The following TMEM116 variants were observed in gnomAD, a reference collection of about 807,000 sequenced individuals.
TMEM116 encodes transmembrane protein 116.
A neutral mutation model predicts 44.3 loss-of-function variants in TMEM116; 38 were observed. The observed-to-expected ratio is 0.86, with a 90% CI of 0.66 to 1.12. TMEM116 has a LOEUF of 1.12. Among genes scored for constraint, TMEM116 ranks in the 50% most tolerant of loss-of-function variants. The probability of loss-of-function intolerance (pLI) is 0.00; values close to 1 mark genes in which losing one functional copy is unlikely to be tolerated. For missense variants in TMEM116, 354 were observed against 401.7 expected (o/e 0.88, Z 1.01); for synonymous variants, 132 against 144.8 (o/e 0.91, Z 0.64).
chr12:111,934,186 T>A (rs953170671), intron 8 of TMEM116, 156 bp from the exon 9 acceptor site: 10 of 882,884 alleles, frequency 1.1e-5, no homozygotes, highest in Admixed American at 3.1e-5. Flanking sequence ...GGCTTTTTTT[T>A]AAGAGAAAAT....
intron 3 of TMEM116, among the ~76,000 whole-genome samples, chr12:111,996,245 TG>T (rs2076926784): frequency 2.0e-5 from 3 of 152,014 alleles, no homozygotes; most frequent in Admixed American, 6.6e-5. Flanking sequence ...ATTGAGTCTG[TG>T]TCAAGACACC....
chr12:111,936,180 C>A (rs1207729928), intron 8 of TMEM116: 2 of 152,180 alleles, frequency 1.3e-5, no homozygotes. Context: ...TATCCCCTGG[C>A]TAATTATTCT....
At chr12:111,965,390 T>G (rs1389429848) in intron 4 of TMEM116, among the ~76,000 whole-genome samples, 1 of 152,160 alleles carries the variant, frequency 6.6e-6, no homozygotes, top group Non-Finnish European at 1.5e-5. Flanking sequence ...AAATCATCCA[T>G]TTATAAGGAG....
chr12:111,968,188 A>T (rs2075091761), intron 4 of TMEM116, among the ~76,000 whole-genome samples: 1 of 152,222 alleles, frequency 6.6e-6, no homozygotes, highest in Admixed American at 6.5e-5. Context: ...GAACCATTGA[A>T]AAGATTAGAT....
intron 4 of TMEM116, among the ~76,000 whole-genome samples, chr12:111,967,124 G>A (rs2075029979): frequency 6.6e-6 from 1 of 152,114 alleles, no homozygotes; most frequent in Admixed American, 6.6e-5. Context: ...CAAAACATGT[G>A]TGCAGACATC....
intron 4 of TMEM116, among the ~76,000 whole-genome samples, chr12:111,948,405 A>G (rs2073446804): frequency 6.6e-6 from 1 of 152,218 alleles, no homozygotes. Context: ...AAAGGGGCAG[A>G]GACAGGAATA....
intron 1 of TMEM116, among the ~76,000 whole-genome samples, chr12:112,007,418 C>CAAAT (rs1044627713): frequency 6.6e-6 from 1 of 151,904 alleles, no homozygotes; most frequent in Non-Finnish European, 1.5e-5. Flanking sequence ...CATCTCAAAA[C>CAAAT]AAATAAATAA....
chr12:111,980,457 G>A (rs1403552230), intron 4 of TMEM116, among the ~76,000 whole-genome samples: 2 of 152,028 alleles, frequency 1.3e-5, no homozygotes, highest in East Asian at 1.9e-4. Context: ...TTTTAGGACC[G>A]TGAAACTATT....
chr12:111,933,810 T>C lies in TMEM116; in HGVS notation c.733+76A>G, dbSNP rs2071875888. 1.6e-5 allele frequency: 26 copies of C among 1,576,002 alleles called. No individual in the cohort carries two copies. In the South Asian group the frequency reaches 2.9e-4, roughly 18 times the overall value. On this transcript the variant is annotated intron_variant, in intron 9 of 10. Transcript: ENST00000552374. ...TGTGCCCGACCTCAGCCATCCTTCT[T>C]AGTGAGACCACTTTGCTTGATCAGA...
At chr12:111,971,077 A>G (rs2075305970) in intron 4 of TMEM116, among the ~76,000 whole-genome samples, 1 of 152,220 alleles carries the variant, frequency 6.6e-6, no homozygotes, top group Non-Finnish European at 1.5e-5. Context: ...CCTAGCAAAT[A>G]TACTTTCAAA....
chr12:111,959,600 C>T (rs1409724850), intron 4 of TMEM116, among the ~76,000 whole-genome samples: 1 of 152,040 alleles, frequency 6.6e-6, no homozygotes. Context: ...TTCAGGAGAC[C>T]CATCTCACGT....
chr12:111,991,994 T>A, intron 3 of TMEM116, 105 bp from the exon 4 acceptor site: 2 of 1,229,974 alleles, frequency 1.6e-6, no homozygotes, highest in Non-Finnish European at 2.2e-6. Flanking sequence ...ACTGACATCA[T>A]TTTTCTGGGG....
chr12:111,941,626 A>G (rs1327573437), intron 5 of TMEM116, among the ~76,000 whole-genome samples: 1 of 152,208 alleles, frequency 6.6e-6, no homozygotes, highest in Non-Finnish European at 1.5e-5. Context: ...TTATTATTGA[A>G]AAAAGTTGAA....
intron 4 of TMEM116, among the ~76,000 whole-genome samples, chr12:111,959,690 G>A (rs761364003): frequency 2.0e-5 from 3 of 152,058 alleles, no homozygotes; most frequent in Non-Finnish European, 4.4e-5. Flanking sequence ...AAATAAAGCA[G>A]GGGTTGCAAT....
At chr12:111,946,162 A>G (rs2073255599) in intron 4 of TMEM116, among the ~76,000 whole-genome samples, 1 of 152,222 alleles carries the variant, frequency 6.6e-6, no homozygotes, top group South Asian at 2.1e-4. Flanking sequence ...ATGTAACCAG[A>G]CAATTTCACA....
At chr12:111,942,567 C>T (rs1008794202) in intron 5 of TMEM116, among the ~76,000 whole-genome samples, 8 of 152,150 alleles carry the variant, frequency 5.3e-5, no homozygotes, top group African/African-American at 1.7e-4. Flanking sequence ...CCACTGCGCC[C>T]GGCCAACACT....
At chr12:111,982,776 T>C (rs956314679) in intron 4 of TMEM116, among the ~76,000 whole-genome samples, 5 of 152,026 alleles carry the variant, frequency 3.3e-5, no homozygotes, top group Non-Finnish European at 5.9e-5. Flanking sequence ...TTCATGCAAG[T>C]AGGAAGCAAA....
In TMEM116 at chr12:111,940,523, G is replaced by GTATATATATATATATATATA. The variant is rs759583297; in HGVS notation, c.316-2333_316-2314dup. On this transcript the variant is annotated intron_variant, in intron 5 of 10. Coordinates refer to ENST00000552374, the MANE Select transcript of TMEM116 (RefSeq NM_001193531.2). ...CATATATATACACACATATATATGT[G>GTATATATATATATATATATA]TATATATATATATATATATATACAC... Among the ~76,000 whole-genome samples the GTATATATATATATATATATA allele has an allele frequency of 1.2e-3, 131 of 104,858 alleles. 5 individuals carry two copies. The East Asian group carries it at 0.04, about 32-fold the overall frequency. The allele number at this position is 104,858 out of a possible 152,430, so 68.8% of individuals were successfully genotyped here. A position where few individuals can be genotyped will look rare whatever the true frequency, so the allele number is the denominator to read the frequency against.
At chr12:111,980,356 C>T (rs1439929891) in intron 4 of TMEM116, among the ~76,000 whole-genome samples, 2 of 152,032 alleles carry the variant, frequency 1.3e-5, no homozygotes, top group African/African-American at 4.8e-5. Context: ...ATATGACATT[C>T]TAAAAAGGCA....
Sources: gnomAD v4.1 joint callset for allele counts (sites outside exome capture counted in the v4.1 genomes callset) on GRCh38, gnomAD v4.1.1 for gene constraint, MANE v1.5 for transcripts, NCBI Gene and HGNC (gene_info 2026-07-23, HGNC 2026-07-21) for gene names.